Variants in BMAL1 observed in about 807,000 individuals in gnomAD.
BMAL1 encodes the protein basic helix-loop-helix ARNT like 1.
the BMAL1 span, among the ~76,000 whole-genome samples, chr11:13,353,835 A>G: frequency 1.3e-5 from 2 of 152,320 alleles, no homozygotes; most frequent in African/African-American, 4.8e-5. Context: ...CAAAACAAAT[A>G]AAAAATAAAA....
chr11:13,368,806 A>T, the BMAL1 span, among the ~76,000 whole-genome samples: 1 of 152,226 alleles, frequency 6.6e-6, no homozygotes, highest in African/African-American at 2.4e-5. Context: ...TGCAAACCAC[A>T]AACATGAGCC....
the BMAL1 span, among the ~76,000 whole-genome samples, chr11:13,327,056 G>A: frequency 2.6e-4 from 39 of 151,780 alleles, 1 homozygote; most frequent in African/African-American, 8.7e-4. Context: ...TCCTGACCTC[G>A]TGATCCACCC....
the BMAL1 span, among the ~76,000 whole-genome samples, chr11:13,341,773 A>G: frequency 6.6e-6 from 1 of 152,254 alleles, no homozygotes; most frequent in Non-Finnish European, 1.5e-5. Context: ...GACAGGCAAG[A>G]AAACAATGAA....
the BMAL1 span, chr11:13,372,121 C>T: frequency 6.2e-7 from 1 of 1,609,314 alleles, no homozygotes; most frequent in South Asian, 1.1e-5. Context: ...CCTCCATGGC[C>T]CAAACCTAGT....
the BMAL1 span, among the ~76,000 whole-genome samples, chr11:13,308,660 T>C: frequency 1.3e-5 from 2 of 152,210 alleles, no homozygotes; most frequent in African/African-American, 4.8e-5. Flanking sequence ...CAAATGCATA[T>C]GCTGTTGGAC....
the BMAL1 span, among the ~76,000 whole-genome samples, chr11:13,334,732 C>T: frequency 6.6e-6 from 1 of 152,200 alleles, no homozygotes; most frequent in Non-Finnish European, 1.5e-5. Flanking sequence ...TGATGACCAC[C>T]TACCATCCAA....
chr11:13,345,648 G>T, the BMAL1 span, among the ~76,000 whole-genome samples: 1 of 152,252 alleles, frequency 6.6e-6, no homozygotes, highest in South Asian at 2.1e-4. Flanking sequence ...AGTAAAGCTG[G>T]ACACACCTGG....
At chr11:13,328,173 G>A in the BMAL1 span, among the ~76,000 whole-genome samples, 1 of 152,086 alleles carries the variant, frequency 6.6e-6, no homozygotes, top group African/African-American at 2.4e-5. Context: ...GACTGGAGAG[G>A]CTTTTTTTTG....
chr11:13,325,451 T>C, the BMAL1 span, among the ~76,000 whole-genome samples: 43 of 152,350 alleles, frequency 2.8e-4, no homozygotes, highest in Non-Finnish European at 2.6e-4. Flanking sequence ...TTTCTTTTTT[T>C]TTCTTTTTTT....
the BMAL1 span, chr11:13,354,345 A>T: frequency 6.2e-7 from 1 of 1,613,574 alleles, no homozygotes. Flanking sequence ...TTCAACCATC[A>T]GTGATTTCAT....
chr11:13,356,625 T>G, the BMAL1 span: 2 of 1,267,034 alleles, frequency 1.6e-6, no homozygotes, highest in Non-Finnish European at 2.2e-6. Flanking sequence ...CTGTGGCTGT[T>G]CGAACTTTAT....
the BMAL1 span, among the ~76,000 whole-genome samples, chr11:13,288,140 T>G: frequency 5.3e-5 from 8 of 152,200 alleles, no homozygotes; most frequent in African/African-American, 1.9e-4. Flanking sequence ...ATGGACCAGT[T>G]TGCATTCATG....
chr11:13,352,232 G>A, the BMAL1 span, among the ~76,000 whole-genome samples: 1 of 152,178 alleles, frequency 6.6e-6, no homozygotes, highest in Admixed American at 6.5e-5. Flanking sequence ...GAAGTTTGAG[G>A]AGAGAGGGCA....
At chr11:13,338,162 G>T in the BMAL1 span, among the ~76,000 whole-genome samples, 1 of 151,942 alleles carries the variant, frequency 6.6e-6, no homozygotes, top group Non-Finnish European at 1.5e-5. Flanking sequence ...TCAGAAAAAT[G>T]AAACTGAAAT....
chr11:13,320,891 G>A, the BMAL1 span, among the ~76,000 whole-genome samples: 4 of 152,188 alleles, frequency 2.6e-5, no homozygotes, highest in African/African-American at 9.7e-5. Context: ...CTAGGTGGGT[G>A]GGGTGGAAAA....
chr11:13,341,194 C>A, the BMAL1 span, among the ~76,000 whole-genome samples: 2 of 152,212 alleles, frequency 1.3e-5, no homozygotes, highest in Admixed American at 6.5e-5. Context: ...CACGCCTGGC[C>A]AGCCTGCTCT....
At chr11:13,338,355 A>G in the BMAL1 span, among the ~76,000 whole-genome samples, 3 of 152,234 alleles carry the variant, frequency 2.0e-5, no homozygotes, top group Non-Finnish European at 2.9e-5. Context: ...GACTCGTTAT[A>G]GATTACATCA....
chr11:13,348,473 T>A, the BMAL1 span, among the ~76,000 whole-genome samples: 2 of 151,312 alleles, frequency 1.3e-5, no homozygotes, highest in Non-Finnish European at 2.9e-5. Flanking sequence ...GTGACAAGGA[T>A]CTGGAGGGAA....
chr11:13,336,744 C>T, the BMAL1 span, among the ~76,000 whole-genome samples: 10 of 152,266 alleles, frequency 6.6e-5, no homozygotes, highest in Non-Finnish European at 8.8e-5. Flanking sequence ...GAACTGAACA[C>T]GACACCTAAA....
Sources: allele counts gnomAD v4.1 joint callset (sites outside exome capture counted in the v4.1 genomes callset), GRCh38; gene constraint gnomAD v4.1.1; transcripts MANE v1.5; gene names NCBI Gene and HGNC (gene_info 2026-07-23, HGNC 2026-07-21).